The following ZNF592 variants were observed in gnomAD, a reference collection of about 807,000 sequenced individuals.
The protein encoded by ZNF592 is zinc finger protein 592.
A neutral mutation model predicts 80.3 loss-of-function variants in ZNF592; 11 were observed. The ratio of observed to expected loss-of-function variants is 0.14; its 90% CI spans 0.09 to 0.23. ZNF592 has a LOEUF of 0.23. Among genes scored for constraint, ZNF592 ranks in the 10% least tolerant of loss-of-function variants. The pLI is 1.00. For synonymous variants in ZNF592, 646 were observed against 640.3 expected (o/e 1.01, Z -0.13); for missense variants, 1,420 against 1,633.9 (o/e 0.87, Z 2.26).
intron 5 of ZNF592, among the ~76,000 whole-genome samples, chr15:84,792,812 T>C (rs547446830): frequency 6.6e-6 from 1 of 152,274 alleles, no homozygotes; most frequent in African/African-American, 2.4e-5. Context: ...ATGGAGTATC[T>C]AAAGTACATT....
chr15:84,773,832 C>T (rs1419344833), intron 2 of ZNF592, among the ~76,000 whole-genome samples: 2 of 152,108 alleles, frequency 1.3e-5, no homozygotes, highest in Middle Eastern at 3.2e-3. Context: ...TTTCGCAGGA[C>T]CTCTTCCAAC....
chr15:84,762,370 A>G (rs553527564), intron 1 of ZNF592, among the ~76,000 whole-genome samples: 36 of 152,216 alleles, frequency 2.4e-4, no homozygotes, highest in Non-Finnish European at 5.3e-4. Flanking sequence ...CATGGATTAA[A>G]TGGCCTTTGA....
rs1567076462 is a variant in ZNF592 at position 84,796,296 on chromosome 15, A to ATATATATATATATATATATAT, written c.2400-1573_2400-1572insTATATATATATATATATATAT. Among the ~76,000 whole-genome samples the ATATATATATATATATATATAT allele has an allele frequency of 9.7e-4, 39 of 40,074 alleles. 1 individual carries two copies. The highest frequency in any genetic ancestry group is 4.2e-3 in the East Asian group (4 of 956). The allele number at this position is 40,074 out of a possible 152,430, so 26.3% of individuals were successfully genotyped here. Reference sequence around the variant, plus strand: ...ATATATATATATATATATATATATAAAAAAACGAAGGGTAACATTCAGGAG... The same window carrying ATATATATATATATATATATAT: ...ATATATATATATATATATATATATAATATATATATATATATATATATAAAAACGAAGGGTAACATTCAGGAG... On this transcript the variant is annotated intron_variant, in intron 5 of 10. Transcript: ENST00000560079.
At chr15:84,762,171 G>A (rs1899371636) in intron 1 of ZNF592, among the ~76,000 whole-genome samples, 1 of 152,136 alleles carries the variant, frequency 6.6e-6, no homozygotes. Flanking sequence ...ATATAACAAG[G>A]AACAAAATAA....
intron 2 of ZNF592, among the ~76,000 whole-genome samples, chr15:84,770,228 C>T (rs2141973364): frequency 6.6e-6 from 1 of 152,214 alleles, no homozygotes; most frequent in South Asian, 2.1e-4. Context: ...AGGAGGAAAT[C>T]AAGAGCTAGA....
chr15:84,759,964 C>CA (rs775962231), intron 1 of ZNF592, among the ~76,000 whole-genome samples: 2 of 42,782 alleles, frequency 4.7e-5, no homozygotes, highest in Non-Finnish European at 1.0e-4. Context: ...TCCCCCCCCC[C>CA]CCACCCTGCC....
intron 4 of ZNF592, among the ~76,000 whole-genome samples, chr15:84,788,315 G>A (rs1285554503): frequency 6.6e-6 from 1 of 152,164 alleles, no homozygotes; most frequent in Non-Finnish European, 1.5e-5. Flanking sequence ...CACTGCTTGA[G>A]TCTAATTTTA....
In ZNF592 at chr15:84,805,664, C is replaced by T. The variant is rs571759954; in HGVS notation, c.*3271C>T. 6.5e-6 allele frequency: 1 copy of T among 152,730 alleles called. No homozygotes were observed. The highest frequency in any genetic ancestry group is 1.5e-5 in the Non-Finnish European group (1 of 68,030). The allele number at this position is 152,730 out of a possible 1,614,324, so 9.5% of individuals were successfully genotyped here. ...TGGCCCAGTAAGCTCAACACTTTGC[C>T]TTCCCCAAGACTGGGGAACCTCTGT... is the stretch of plus-strand genomic sequence containing the variant. On this transcript the variant is annotated 3_prime_UTR_variant, in exon 11 of 11. Transcript: ENST00000560079.
intron 2 of ZNF592, among the ~76,000 whole-genome samples, chr15:84,772,410 C>T (rs1484507971): frequency 6.6e-6 from 1 of 152,058 alleles, no homozygotes; most frequent in African/African-American, 2.4e-5. Context: ...ACTGGCCAGG[C>T]GTGGTGGTGC....
Position 84,802,038 on chromosome 15 carries a change from G to C in ZNF592, c.3449G>C (p.Ser1150Thr). 2 of 1,613,930 alleles carry C rather than the reference G, an allele frequency of 1.2e-6. No individual in the cohort carries two copies. Among genetic ancestry groups the C allele is most frequent in the Non-Finnish European group, 1.7e-6 (2 of 1,179,876 alleles). The stretch of plus-strand genomic sequence containing the variant: ...CACATACCTCAGCACCAGGTGGACA[G>C]CTCCACAGCCCAATGTCTCCTCTGT... The part of the protein sequence containing the change: ...QSHIPQHQVD[S>T]STAQCLLCGL... Residue 1150 changes from serine to threonine, a missense_variant, in exon 11 of 11, where the codon AGC (serine) becomes ACC (threonine). Ser to Thr is a moderately conservative substitution (Grantham distance 58). This residue lies in a region of ZNF592 where 145 missense variants were observed against 211.9 expected (regional missense o/e 0.68). Transcript: ENST00000560079.
intron 1 of ZNF592, chr15:84,754,571 A>G (rs1212032305): frequency 6.6e-6 from 1 of 151,552 alleles, no homozygotes; most frequent in Non-Finnish European, 1.5e-5. Flanking sequence ...CAAAAAAAAA[A>G]GGTGATGATG....
At chr15:84,757,876 G>A (rs545299695) in intron 1 of ZNF592, among the ~76,000 whole-genome samples, 11 of 151,796 alleles carry the variant, frequency 7.2e-5, no homozygotes, top group Admixed American at 3.9e-4. Context: ...TGCCCAGGCT[G>A]GTCTCAAACT....
intron 2 of ZNF592, among the ~76,000 whole-genome samples, chr15:84,775,712 G>A (rs1396924378): frequency 6.6e-6 from 1 of 152,222 alleles, no homozygotes; most frequent in Non-Finnish European, 1.5e-5. Flanking sequence ...TTACAGGCAT[G>A]AGCCACTGCG....
At chr15:84,773,521 G>T (rs1012171091) in intron 2 of ZNF592, among the ~76,000 whole-genome samples, 2 of 152,160 alleles carry the variant, frequency 1.3e-5, no homozygotes, top group African/African-American at 2.4e-5. Context: ...CCCACCAGGG[G>T]TTTAATTCTC....
At position 84,801,891 on chromosome 15, in the gene ZNF592, G is replaced by A. The variant is rs1166013536; in HGVS notation, c.3302G>A (p.Gly1101Glu). Residue 1101 changes from glycine to glutamate, a missense_variant, in exon 11 of 11, where the codon GGA (glycine) becomes GAA (glutamate). Gly to Glu is a moderately conservative substitution (Grantham distance 98, BLOSUM62 -2). Coordinates refer to ENST00000560079, the MANE Select transcript of ZNF592 (RefSeq NM_014630.3). The part of the protein sequence containing the change: ...QVNHLKRPVS[G>E]VGDAPGTSNG... Reference sequence around the variant, plus strand: ...AACCATCTGAAAAGACCAGTCAGTGGAGTGGGGGACGCTCCAGGCACCAGC... The same window carrying A: ...AACCATCTGAAAAGACCAGTCAGTGAAGTGGGGGACGCTCCAGGCACCAGC... 1 of 1,613,930 alleles carries A rather than the reference G, an allele frequency of 6.2e-7. No individual in the cohort carries two copies. Among genetic ancestry groups the A allele is most frequent in the Non-Finnish European group, 8.5e-7 (1 of 1,179,856 alleles).
chr15:84,794,014 T>C (rs1962823314), intron 5 of ZNF592, among the ~76,000 whole-genome samples: 1 of 152,020 alleles, frequency 6.6e-6, no homozygotes, highest in Non-Finnish European at 1.5e-5. Flanking sequence ...TCAGTTGCTT[T>C]GGATACCTAG....
chr15:84,788,815 A>G (rs895312646), intron 4 of ZNF592, among the ~76,000 whole-genome samples: 8 of 152,206 alleles, frequency 5.3e-5, no homozygotes, highest in South Asian at 2.1e-4. Context: ...TATTCTAGGT[A>G]TCTCATACAA....
chr15:84,782,933 T>C lies in ZNF592; in HGVS notation c.258T>C (p.Ile86=), dbSNP rs1203444955. 3.7e-6 allele frequency: 6 copies of C among 1,614,048 alleles called. No homozygotes were observed. Among genetic ancestry groups the C allele is most frequent in the Non-Finnish European group, 5.1e-6 (6 of 1,180,026 alleles). ...QESFEAEKDH[I]TPSLLHNGFR... ...CATTTGAAGCGGAGAAAGACCACATTACTCCCAGTCTCCTACACAATGGAT... is the reference window on the plus strand; with the variant it reads ...CATTTGAAGCGGAGAAAGACCACATCACTCCCAGTCTCCTACACAATGGAT... Residue 86 remains isoleucine, a synonymous_variant, in exon 4 of 11, where the codon ATT becomes ATC. Transcript: ENST00000560079.
Position 84,802,748 on chromosome 15 carries a change from C to T in ZNF592, c.*355C>T, listed in dbSNP as rs1017201522. 4 of 307,544 alleles carry T rather than the reference C, an allele frequency of 1.3e-5. No homozygotes were observed. The highest frequency in any genetic ancestry group is 7.5e-5 in the East Asian group (1 of 13,418). The allele number at this position is 307,544 out of a possible 1,614,324, so 19.1% of individuals were successfully genotyped here. A position where few individuals can be genotyped will look rare whatever the true frequency, so the allele number is the denominator to read the frequency against. Reference sequence around the variant, plus strand: ...CGGCTGTGCTCTTCTGGGAGGTTCCCGCTTGCTGCCTTCAGCCAGGGCGCT... The same window carrying T: ...CGGCTGTGCTCTTCTGGGAGGTTCCTGCTTGCTGCCTTCAGCCAGGGCGCT... On this transcript the variant is annotated 3_prime_UTR_variant, in exon 11 of 11. Coordinates refer to ENST00000560079, the MANE Select transcript of ZNF592 (RefSeq NM_014630.3).
Sources: allele counts gnomAD v4.1 joint callset (sites outside exome capture counted in the v4.1 genomes callset), GRCh38; gene constraint gnomAD v4.1.1; regional missense constraint gnomAD v4.1.1; transcripts MANE v1.5; gene names NCBI Gene and HGNC (gene_info 2026-07-23, HGNC 2026-07-21).